Variants in IL2RA observed in about 807,000 individuals in gnomAD.
The protein encoded by IL2RA is interleukin 2 receptor subunit alpha.
IL2RA carries 24 observed loss-of-function variants against 37.8 expected under a neutral mutation model. The ratio of observed to expected loss-of-function variants is 0.63; its 90% CI spans 0.46 to 0.89. The LOEUF is 0.89. IL2RA is among the 40% of genes least tolerant of loss of function. The pLI is 0.00. For missense variants in IL2RA, 319 were observed against 348.6 expected (o/e 0.92, Z 0.68); for synonymous variants, 125 against 114.6 (o/e 1.09, Z -0.58).
At chr10:6,024,664 A>C (rs1002518159) in intron 2 of IL2RA, among the ~76,000 whole-genome samples, 1 of 152,034 alleles carries the variant, frequency 6.6e-6, no homozygotes, top group African/African-American at 2.4e-5. Flanking sequence ...CATGTATGTT[A>C]TGTGTGCATG....
At chr10:6,041,616 C>T (rs1839773163) in intron 1 of IL2RA, among the ~76,000 whole-genome samples, 1 of 151,956 alleles carries the variant, frequency 6.6e-6, no homozygotes, top group South Asian at 2.1e-4. Flanking sequence ...AAATATAAAT[C>T]AATTAAGCTT....
chr10:6,055,680 G>T (rs1292425998), intron 1 of IL2RA, among the ~76,000 whole-genome samples: 10 of 32,204 alleles, frequency 3.1e-4, no homozygotes, highest in African/African-American at 5.5e-4. Context: ...CCACAAAGCC[G>T]CCATTGTCAT....
intron 6 of IL2RA, 73 bp downstream of exon 6, chr10:6,019,355 C>A: frequency 1.7e-6 from 2 of 1,159,882 alleles, no homozygotes; most frequent in South Asian, 1.2e-5. Context: ...AACTAACCAA[C>A]CTACTAACCA....
intron 5 of IL2RA, 122 bp downstream of exon 5, chr10:6,019,748 G>T: frequency 1.1e-6 from 1 of 946,168 alleles, no homozygotes; most frequent in Non-Finnish European, 1.7e-6. Context: ...CAGAGGGAGA[G>T]GAGGCTGCTG....
At chr10:6,026,704 G>C (rs12722683) in intron 1 of IL2RA, among the ~76,000 whole-genome samples, 226 of 152,290 alleles carry the variant, frequency 1.5e-3, no homozygotes, top group African/African-American at 5.0e-3. Flanking sequence ...TAATTCCATT[G>C]CCTACTTTGC....
At chr10:6,040,700 GT>G (rs1261406138) in intron 1 of IL2RA, among the ~76,000 whole-genome samples, 1 of 152,024 alleles carries the variant, frequency 6.6e-6, no homozygotes, top group African/African-American at 2.4e-5. Context: ...GCATCTTTGG[GT>G]TTTTCTCACT....
intron 1 of IL2RA, among the ~76,000 whole-genome samples, chr10:6,038,921 A>T (rs903275370): frequency 6.6e-6 from 1 of 152,216 alleles, no homozygotes; most frequent in African/African-American, 2.4e-5. Context: ...GAAGGGGGAA[A>T]TGCATAGAAA....
At chr10:6,032,504 A>G (rs1021671812) in intron 1 of IL2RA, among the ~76,000 whole-genome samples, 1 of 151,940 alleles carries the variant, frequency 6.6e-6, no homozygotes, top group Admixed American at 6.6e-5. Context: ...CATCCTGGCT[A>G]ACACGGTGAA....
chr10:6,047,409 C>G lies in IL2RA; in HGVS notation c.64+14679G>C, dbSNP rs569314013. Among the ~76,000 whole-genome samples, 1 of 152,304 alleles carries G rather than the reference C, an allele frequency of 6.6e-6. No individual in the cohort carries two copies. The highest frequency in any genetic ancestry group is 1.9e-4 in the East Asian group (1 of 5,182). ...CAGAAGCCACGGCACCAGAGGAGAGCTCAGGAGTCAGCCTGCTCCAAAGCT... is the reference window on the plus strand; with the variant it reads ...CAGAAGCCACGGCACCAGAGGAGAGGTCAGGAGTCAGCCTGCTCCAAAGCT... On this transcript the variant is annotated intron_variant, in intron 1 of 7. Transcript: ENST00000379959. The surrounding 1 kb of genome is among the most constrained non-coding windows in gnomAD (Gnocchi z 5.0).
rs1351777118 is a variant in IL2RA at position 6,035,412 on chromosome 10, C to G, written c.65-9387G>C. 6.6e-6 allele frequency among the ~76,000 whole-genome samples: 1 copy of G among 152,230 alleles called. No individual in the cohort carries two copies. The stretch of plus-strand genomic sequence containing the variant: ...AAAGCCACATTCAGGCAGGACGGAG[C>G]TGCTCTTGCACACGGTTTCGTGGGC... On this transcript the variant is annotated intron_variant, in intron 1 of 7. Transcript: ENST00000379959. The surrounding 1 kb of genome is among the most constrained non-coding windows in gnomAD (Gnocchi z 5.4).
In IL2RA at chr10:6,020,931, A is replaced by ATGTG. The variant is rs59002005; in HGVS notation, c.583+543_583+546dup. 1.1e-4 allele frequency among the ~76,000 whole-genome samples: 17 copies of ATGTG among 150,016 alleles called. No homozygotes were observed. Among genetic ancestry groups the ATGTG allele is most frequent in the African/African-American group, 3.7e-4 (15 of 41,018 alleles). The stretch of plus-strand genomic sequence containing the variant: ...CGGTGGGCTGAGCATTTGCATGAGT[A>ATGTG]TGTGTGTGTGTGTGTGTGTGTGCGC... On this transcript the variant is annotated intron_variant, in intron 4 of 7. Coordinates refer to ENST00000379959, the MANE Select transcript of IL2RA (RefSeq NM_000417.3). This position sits in a 1 kb window ranked among gnomAD's most constrained non-coding sequence, Gnocchi z 5.6.
rs1005940425 is a variant in IL2RA at position 6,015,875 on chromosome 10, G to A, written c.794+2178C>T. Among the ~76,000 whole-genome samples the A allele has an allele frequency of 4.6e-5, 7 of 152,094 alleles. No individual in the cohort carries two copies. Among genetic ancestry groups the A allele is most frequent in the African/African-American group, 1.4e-4 (6 of 41,408 alleles). On this transcript the variant is annotated intron_variant, in intron 7 of 7. Transcript: ENST00000379959. This position sits in a 1 kb window ranked among gnomAD's most constrained non-coding sequence, Gnocchi z 4.9. The stretch of plus-strand genomic sequence containing the variant: ...AAAGGCCACGTGATTCCATTTACAC[G>A]AAATGTCCAGAATAGGCAAATCCAT...
In IL2RA at chr10:6,058,501, A is replaced by G. The variant is rs968985980; in HGVS notation, c.64+3587T>C. Among the ~76,000 whole-genome samples, 1 of 152,190 alleles carries G rather than the reference A, an allele frequency of 6.6e-6. No homozygotes were observed. Among genetic ancestry groups the G allele is most frequent in the African/African-American group, 2.4e-5 (1 of 41,458 alleles). On this transcript the variant is annotated intron_variant, in intron 1 of 7. Coordinates refer to ENST00000379959, the MANE Select transcript of IL2RA (RefSeq NM_000417.3). This position sits in a 1 kb window ranked among gnomAD's most constrained non-coding sequence, Gnocchi z 4.2. The stretch of plus-strand genomic sequence containing the variant: ...ACATGTCTTGAAGATGAATGAAGTA[A>G]CAGTAGCAATAATACTTTGGGATCT...
rs1308668911 is a variant in IL2RA at position 6,046,032 on chromosome 10, G to A, written c.64+16056C>T. Among the ~76,000 whole-genome samples the A allele has an allele frequency of 1.3e-5, 2 of 152,154 alleles. No individual in the cohort carries two copies. Among genetic ancestry groups the A allele is most frequent in the Non-Finnish European group, 2.9e-5 (2 of 68,038 alleles). ...TAATTGTCAGGCTGACCAAGCCCACGTGTCCAGAACCCTCTCCAGAGCTCT... is the reference window on the plus strand; with the variant it reads ...TAATTGTCAGGCTGACCAAGCCCACATGTCCAGAACCCTCTCCAGAGCTCT... On this transcript the variant is annotated intron_variant, in intron 1 of 7. Coordinates refer to ENST00000379959, the MANE Select transcript of IL2RA (RefSeq NM_000417.3). This position sits in a 1 kb window ranked among gnomAD's most constrained non-coding sequence, Gnocchi z 4.8.
At chr10:6,017,489 A>G (rs948558253) in intron 7 of IL2RA, among the ~76,000 whole-genome samples, 2 of 152,072 alleles carry the variant, frequency 1.3e-5, no homozygotes, top group African/African-American at 4.8e-5. Context: ...AATAATGTTT[A>G]TAAAACAAGC....
rs1021646147 is a variant in IL2RA, at chr10:6,054,572, A to T, written c.64+7516T>A. The stretch of plus-strand genomic sequence containing the variant: ...CTTCATGTATGTTGAAATATGGCTC[A>T]TTATGTAGTTGTCCTGGCAAACCCC... On this transcript the variant is annotated intron_variant, in intron 1 of 7. Transcript: ENST00000379959. The surrounding 1 kb of genome is among the most constrained non-coding windows in gnomAD (Gnocchi z 4.5). Among the ~76,000 whole-genome samples, 5 of 152,100 alleles carry T rather than the reference A, an allele frequency of 3.3e-5. No homozygotes were observed. The highest frequency in any genetic ancestry group is 1.2e-4 in the African/African-American group (5 of 41,416).
At chr10:6,053,671 A>C (rs749937993) in intron 1 of IL2RA, among the ~76,000 whole-genome samples, 5 of 152,212 alleles carry the variant, frequency 3.3e-5, no homozygotes, top group Non-Finnish European at 4.4e-5. Context: ...TTATCATTTT[A>C]AAAAATAGAG....
At chr10:6,024,018 C>T (rs1378473185) in intron 3 of IL2RA, among the ~76,000 whole-genome samples, 1 of 152,158 alleles carries the variant, frequency 6.6e-6, no homozygotes, top group Non-Finnish European at 1.5e-5. Flanking sequence ...AGGGAGTAAG[C>T]CCAGACCTGG....
intron 1 of IL2RA, among the ~76,000 whole-genome samples, chr10:6,038,014 T>A (rs1336472584): frequency 6.6e-6 from 1 of 152,190 alleles, no homozygotes; most frequent in African/African-American, 2.4e-5. Flanking sequence ...AAAAGGGATG[T>A]AGAACATCCC....
Sources: allele counts gnomAD v4.1 joint callset (sites outside exome capture counted in the v4.1 genomes callset), GRCh38; gene constraint gnomAD v4.1.1; non-coding constraint Gnocchi (gnomAD v3.1); transcripts MANE v1.5; gene names NCBI Gene and HGNC (gene_info 2026-07-23, HGNC 2026-07-21).